The following CACNA2D3 variants were observed in gnomAD, a reference collection of about 807,000 sequenced individuals.
The protein encoded by CACNA2D3 is voltage-dependent calcium channel subunit alpha-2/delta-3.
Under a neutral mutation model 160.6 loss-of-function variants are expected in CACNA2D3, and 60 were observed. The ratio of observed to expected loss-of-function variants is 0.37; its 90% confidence interval spans 0.30 to 0.46. CACNA2D3 has a LOEUF of 0.46. Ranked by LOEUF, CACNA2D3 falls within the 20% of genes least tolerant of loss-of-function variation. The pLI is 1.00. For synonymous variants in CACNA2D3, 558 were observed against 492.9 expected, an observed-to-expected ratio of 1.13 and a Z score of -1.75; for missense variants, 1,205 against 1,365.0, an observed-to-expected ratio of 0.88 and a Z score of 1.85.
At chr3:55,009,919 T>C (rs1476182696) in intron 34 of CACNA2D3, among the ~76,000 whole-genome samples, 2 of 152,104 alleles carry the variant, frequency 1.3e-5, no homozygotes, top group African/African-American at 4.8e-5. Flanking sequence ...CTTGGAGGCA[T>C]GGGTTGTGGA....
chr3:54,565,237 A>G (rs948093303), intron 6 of CACNA2D3, among the ~76,000 whole-genome samples: 3 of 152,216 alleles, frequency 2.0e-5, no homozygotes, highest in Non-Finnish European at 4.4e-5. Flanking sequence ...AGGGGGCATC[A>G]GTGACCACCA....
chr3:54,408,903 C>T (rs1199468828), intron 4 of CACNA2D3, among the ~76,000 whole-genome samples: 1 of 152,108 alleles, frequency 6.6e-6, no homozygotes, highest in Non-Finnish European at 1.5e-5. Context: ...TGAGAGGGGA[C>T]CCTAACTCTC....
At chr3:55,035,763 A>G (rs1350359429) in intron 35 of CACNA2D3, among the ~76,000 whole-genome samples, 1 of 152,188 alleles carries the variant, frequency 6.6e-6, no homozygotes, top group Non-Finnish European at 1.5e-5. Flanking sequence ...GTGTTTGGAA[A>G]CTGAGCAGGG....
intron 27 of CACNA2D3, among the ~76,000 whole-genome samples, chr3:54,955,915 G>A (rs1701878108): frequency 6.6e-6 from 1 of 152,100 alleles, no homozygotes; most frequent in Admixed American, 6.5e-5. Context: ...TTCCAGCCTC[G>A]CCATCTGCCT....
At chr3:55,008,926 G>C (rs77889186) in intron 33 of CACNA2D3, among the ~76,000 whole-genome samples, 3,318 of 68,356 alleles carry the variant, frequency 0.049, 85 homozygotes, top group African/African-American at 0.13. Context: ...CACACACACA[G>C]GGGGCTTAAA....
At chr3:54,272,192 G>A (rs1702636493) in intron 2 of CACNA2D3, among the ~76,000 whole-genome samples, 1 of 152,190 alleles carries the variant, frequency 6.6e-6, no homozygotes, top group African/African-American at 2.4e-5. Flanking sequence ...ACACGTGTTA[G>A]GTGGGCATTA....
At chr3:54,125,242 T>TACACACACACACACAC (rs59950857) in intron 2 of CACNA2D3, among the ~76,000 whole-genome samples, 90 of 148,054 alleles carry the variant, frequency 6.1e-4, no homozygotes, top group African/African-American at 1.4e-3. Flanking sequence ...TCTTTGAAGT[T>TACACACACACACACAC]ACACACACAC....
chr3:55,040,377 G>A (rs1703931449), intron 35 of CACNA2D3, among the ~76,000 whole-genome samples: 1 of 152,100 alleles, frequency 6.6e-6, no homozygotes, highest in African/African-American at 2.4e-5. Context: ...AATTATTTAA[G>A]CTACAACATA....
intron 13 of CACNA2D3, among the ~76,000 whole-genome samples, chr3:54,793,416 A>G (rs908243561): frequency 6.6e-6 from 1 of 152,204 alleles, no homozygotes; most frequent in Non-Finnish European, 1.5e-5. Flanking sequence ...TGGCTGTTTG[A>G]GCTACTTAAG....
At chr3:54,566,511 C>A (rs1049920373) in intron 6 of CACNA2D3, among the ~76,000 whole-genome samples, 1 of 152,182 alleles carries the variant, frequency 6.6e-6, no homozygotes, top group South Asian at 2.1e-4. Flanking sequence ...TCTTCCTGTT[C>A]TGGCCAATTC....
chr3:54,134,628 G>A lies in CACNA2D3; in HGVS notation c.204+11034G>A, dbSNP rs542594725. ...GGCATGGATGCTGCAAAAAGTGGGGGCTGCCTTCCAGCTACAACAGTCCAG... is the reference window on the plus strand; with the variant it reads ...GGCATGGATGCTGCAAAAAGTGGGGACTGCCTTCCAGCTACAACAGTCCAG... On this transcript the variant is annotated intron_variant, in intron 2 of 37. Transcript: ENST00000474759. 2.5e-4 allele frequency among the ~76,000 whole-genome samples: 38 copies of A among 152,330 alleles called. No homozygotes were observed. In the East Asian group the frequency reaches 7.3e-3, roughly 29 times the overall value.
rs148765952 is a variant in CACNA2D3 at position 54,815,366 on chromosome 3, C to T, written c.1381-1487C>T. 2.1e-3 allele frequency among the ~76,000 whole-genome samples: 323 copies of T among 152,250 alleles called. 2 individuals are homozygous for T. The highest frequency in any genetic ancestry group is 7.1e-3 in the African/African-American group (296 of 41,548). On this transcript the variant is annotated intron_variant, in intron 13 of 37. Coordinates refer to ENST00000474759, the MANE Select transcript of CACNA2D3 (RefSeq NM_018398.3). Reference sequence around the variant, plus strand: ...TGAGATCCAAAACATCTTGTTTGTTCGGTTCTACTCTTTGTGGGCTCCATC... The same window carrying T: ...TGAGATCCAAAACATCTTGTTTGTTTGGTTCTACTCTTTGTGGGCTCCATC...
intron 18 of CACNA2D3, 139 bp from the exon 19 acceptor site, chr3:54,878,879 G>A (rs1699725909): frequency 3.7e-6 from 2 of 534,860 alleles, no homozygotes; most frequent in Non-Finnish European, 6.6e-6. Flanking sequence ...ATGAGCAGTT[G>A]GGTGTTTTAT....
chr3:54,859,982 A>G lies in CACNA2D3; in HGVS notation c.1627-11557A>G, dbSNP rs955420227. On this transcript the variant is annotated intron_variant, in intron 17 of 37. Transcript: ENST00000474759. ...ATCTGGAAAGTAGATGCACACACACACACACACACACACACACACACACAC... is the reference window on the plus strand; with the variant it reads ...ATCTGGAAAGTAGATGCACACACACGCACACACACACACACACACACACAC... 3.6e-3 allele frequency among the ~76,000 whole-genome samples: 538 copies of G among 150,054 alleles called. 3 individuals carry two copies. The highest frequency in any genetic ancestry group is 0.01 in the African/African-American group (408 of 40,680).
At chr3:54,313,670 C>T (rs1034980638) in intron 2 of CACNA2D3, among the ~76,000 whole-genome samples, 1 of 152,062 alleles carries the variant, frequency 6.6e-6, no homozygotes, top group Non-Finnish European at 1.5e-5. Context: ...CCTTGAGCCC[C>T]GGGAGTCTCC....
At chr3:54,309,666 A>G (rs1703686917) in intron 2 of CACNA2D3, among the ~76,000 whole-genome samples, 1 of 152,256 alleles carries the variant, frequency 6.6e-6, no homozygotes, top group African/African-American at 2.4e-5. Flanking sequence ...TCATTCTGAC[A>G]GTGCTCTCCT....
At chr3:54,867,377 C>A (rs1699425843) in intron 17 of CACNA2D3, among the ~76,000 whole-genome samples, 1 of 152,048 alleles carries the variant, frequency 6.6e-6, no homozygotes, top group Non-Finnish European at 1.5e-5. Context: ...TCACATGTTC[C>A]TCAATAATCA....
intron 27 of CACNA2D3, among the ~76,000 whole-genome samples, chr3:54,950,804 C>T (rs748753207): frequency 3.0e-4 from 46 of 152,068 alleles, no homozygotes; most frequent in African/African-American, 8.0e-4. Flanking sequence ...CGGGAAGGGA[C>T]GCACAGAGGA....
At chr3:54,751,546 C>G (rs1335331999) in intron 11 of CACNA2D3, among the ~76,000 whole-genome samples, 1 of 152,116 alleles carries the variant, frequency 6.6e-6, no homozygotes, top group Non-Finnish European at 1.5e-5. Context: ...GAGACACATC[C>G]CTTCCTTCCC....
Sources: gnomAD v4.1 joint callset for allele counts (sites outside exome capture counted in the v4.1 genomes callset) on GRCh38, gnomAD v4.1.1 for gene constraint, MANE v1.5 for transcripts, NCBI Gene and HGNC (gene_info 2026-07-23, HGNC 2026-07-21) for gene names.